The following NPAS2 variants were observed in gnomAD, a reference collection of about 807,000 sequenced individuals.
NPAS2 encodes the protein neuronal PAS domain-containing protein 2.
A neutral mutation model predicts 107.5 loss-of-function variants in NPAS2; 23 were observed. That is an observed-to-expected ratio of 0.21 (90% CI 0.15 to 0.30). The LOEUF (loss-of-function observed/expected upper bound fraction) is 0.30. NPAS2 is among the 10% of genes least tolerant of loss of function. NPAS2 has a pLI of 1.00. For missense variants in NPAS2, 756 were observed against 1,043.3 expected, an observed-to-expected ratio of 0.72 and a Z score of 3.79; for synonymous variants, 403 against 417.5, an observed-to-expected ratio of 0.97 and a Z score of 0.42.
chr2:100,907,205 A>G (rs1682211847), intron 2 of NPAS2, among the ~76,000 whole-genome samples: 2 of 152,214 alleles, frequency 1.3e-5, no homozygotes, highest in Admixed American at 6.5e-5. Context: ...ATACGCAGAA[A>G]TCAGCAAATA....
At chr2:100,881,018 G>A (rs571280189) in intron 1 of NPAS2, among the ~76,000 whole-genome samples, 5 of 152,226 alleles carry the variant, frequency 3.3e-5, no homozygotes, top group Admixed American at 6.5e-5. Context: ...TTCTCACCCC[G>A]AGGACACGTG....
chr2:100,993,409 C>T lies in NPAS2; in HGVS notation c.2174C>T (p.Ala725Val), dbSNP rs1204687554. Residue 725 changes from alanine (A) to valine (V), a missense_variant, in exon 20 of 21, where the codon GCC (alanine) becomes GTC (valine). Coordinates refer to ENST00000335681, the MANE Select transcript of NPAS2 (RefSeq NM_002518.4). ...GCACACCCCGCCAACAGCAGCAGCG[C>T]CCCGATGCCCGTCCTGCTGATGGGG... ...PDAHPANSSSAPMPVLLMGQA... is the reference protein window; with the variant it reads ...PDAHPANSSSVPMPVLLMGQA... 11 of 1,612,960 alleles carry T rather than the reference C, an allele frequency of 6.8e-6. No homozygotes were observed. The highest frequency in any genetic ancestry group is 8.5e-6 in the Non-Finnish European group (10 of 1,179,156).
rs973429074 is a variant in NPAS2, at chr2:100,974,841, C to T, written c.1179C>T (p.Asn393=). The T allele has an allele frequency of 2.8e-5, 45 of 1,614,096 alleles. No homozygotes were observed. The highest frequency in any genetic ancestry group is 1.6e-4 in the Middle Eastern group (1 of 6,062). Reference sequence around the variant, plus strand: ...GCCTGGAACCTCGGCAGCACTTTAACACACTCGACGTGGGTGCCTCGGGCC... The same window carrying T: ...GCCTGGAACCTCGGCAGCACTTTAATACACTCGACGTGGGTGCCTCGGGCC... ...GSSLEPRQHF[N]TLDVGASGLN... Residue 393 remains asparagine, a synonymous_variant, in exon 13 of 21, where the codon AAC becomes AAT. Coordinates refer to ENST00000335681, the MANE Select transcript of NPAS2 (RefSeq NM_002518.4).
chr2:100,905,575 A>T (rs1265656399), intron 2 of NPAS2, among the ~76,000 whole-genome samples: 4 of 152,106 alleles, frequency 2.6e-5, no homozygotes, highest in African/African-American at 9.7e-5. Context: ...ACTGCAGGTC[A>T]TTCGGGTGGA....
chr2:100,995,950 G>A lies in NPAS2; in HGVS notation c.*368G>A. ...ACCTGCGGCCCGCCCATCTGCGCTA[G>A]CTGGCCTTCACGCTCTTGATCGTCT... On this transcript the variant is annotated 3_prime_UTR_variant, in exon 21 of 21. Coordinates refer to ENST00000335681, the MANE Select transcript of NPAS2 (RefSeq NM_002518.4). 7.3e-7 allele frequency: 1 copy of A among 1,361,602 alleles called. No individual in the cohort carries two copies. Among genetic ancestry groups the A allele is most frequent in the Non-Finnish European group, 9.7e-7 (1 of 1,035,760 alleles). The allele number at this position is 1,361,602 out of a possible 1,614,324, so 84.3% of individuals were successfully genotyped here. A position where few individuals can be genotyped will look rare whatever the true frequency, so the allele number is the denominator to read the frequency against.
At chr2:100,838,358 A>G (rs1677192084) in intron 1 of NPAS2, among the ~76,000 whole-genome samples, 1 of 151,616 alleles carries the variant, frequency 6.6e-6, no homozygotes, top group African/African-American at 2.4e-5. Context: ...GCTCACTGAA[A>G]CCTCCACCTC....
intron 18 of NPAS2, 129 bp from the exon 19 acceptor site, chr2:100,990,651 T>G: frequency 9.7e-7 from 1 of 1,035,248 alleles, no homozygotes. Context: ...CCTCAGAGAA[T>G]GAAGCCAGGA....
At position 100,847,847 on chromosome 2, in the gene NPAS2, T is replaced by C. The variant is rs181107033; in HGVS notation, c.-23+27433T>C. Among the ~76,000 whole-genome samples, 17 of 152,294 alleles carry C rather than the reference T, an allele frequency of 1.1e-4. No homozygotes were observed. The East Asian group carries it at 3.1e-3, about 28-fold the overall frequency. On this transcript the variant is annotated intron_variant, in intron 1 of 20. Coordinates refer to ENST00000335681, the MANE Select transcript of NPAS2 (RefSeq NM_002518.4). ...AAGACCTTTAGGAAAAAGCCAAGAATAGTGTAGAAGGGCCTTCTTTTGGTA... is the reference window on the plus strand; with the variant it reads ...AAGACCTTTAGGAAAAAGCCAAGAACAGTGTAGAAGGGCCTTCTTTTGGTA...
At chr2:100,981,751 G>A (rs939556029) in intron 15 of NPAS2, among the ~76,000 whole-genome samples, 6 of 152,144 alleles carry the variant, frequency 3.9e-5, no homozygotes, top group Non-Finnish European at 8.8e-5. Flanking sequence ...AGAGAGCCAG[G>A]ATCAGATTTA....
chr2:100,961,139 C>T (rs1446083720), intron 7 of NPAS2, among the ~76,000 whole-genome samples: 1 of 152,140 alleles, frequency 6.6e-6, no homozygotes, highest in Non-Finnish European at 1.5e-5. Context: ...CTTTCTATTA[C>T]TTAAATTGAA....
intron 7 of NPAS2, among the ~76,000 whole-genome samples, chr2:100,955,854 C>T (rs1323290097): frequency 1.3e-5 from 2 of 152,072 alleles, no homozygotes; most frequent in Non-Finnish European, 2.9e-5. Flanking sequence ...ACTCCCCGCC[C>T]CATGCTCCTG....
chr2:100,949,231 G>A, intron 6 of NPAS2, 136 bp from the exon 7 acceptor site: 1 of 654,166 alleles, frequency 1.5e-6, no homozygotes, highest in Non-Finnish European at 2.7e-6. Flanking sequence ...AGGCCCAAAA[G>A]TCAGTCGTAG....
In NPAS2 at chr2:100,931,473, T is replaced by A. The variant is rs1683951500; in HGVS notation, c.182-1437T>A. ...GTGGAGGTTCACAGGGTGATGCGCA[T>A]AACTCAGCTCTTTTTTTTTTTTTTT... On this transcript the variant is annotated intron_variant, in intron 3 of 20. Coordinates refer to ENST00000335681, the MANE Select transcript of NPAS2 (RefSeq NM_002518.4). 2.7e-5 allele frequency among the ~76,000 whole-genome samples: 4 copies of A among 146,978 alleles called. No individual in the cohort carries two copies. The South Asian group carries it at 8.6e-4, about 32-fold the overall frequency.
chr2:100,841,251 A>G (rs1161517520), intron 1 of NPAS2, among the ~76,000 whole-genome samples: 1 of 152,178 alleles, frequency 6.6e-6, no homozygotes, highest in Non-Finnish European at 1.5e-5. Flanking sequence ...CCTGGCCAAC[A>G]TGGCAAAACT....
Position 100,820,977 on chromosome 2 carries a change from C to T in NPAS2, c.-23+563C>T. 1 of 1,239,278 alleles carries T rather than the reference C, an allele frequency of 8.1e-7. No homozygotes were observed. Among genetic ancestry groups the T allele is most frequent in the Non-Finnish European group, 1.1e-6 (1 of 942,932 alleles). 76.8% of individuals were successfully genotyped at this position (1,239,278 alleles called of 1,614,324 possible). A position where few individuals can be genotyped will look rare whatever the true frequency, so the allele number is the denominator to read the frequency against. ...GCGCAGACAGCGTGCAGCCTGGCTC[C>T]TCACGTCGCTGCCGCCCCCCCACCC... On this transcript the variant is annotated intron_variant, in intron 1 of 20. Coordinates refer to ENST00000335681, the MANE Select transcript of NPAS2 (RefSeq NM_002518.4). The surrounding 1 kb of genome is among the most constrained non-coding windows in gnomAD (Gnocchi z 5.6).
intron 13 of NPAS2, chr2:100,975,188 G>A (rs1284192786): frequency 3.5e-6 from 2 of 578,246 alleles, no homozygotes; most frequent in African/African-American, 1.9e-5. Context: ...CTGATCCCTT[G>A]ACTGCTTTTA....
chr2:100,962,285 T>C (rs2105139655), intron 7 of NPAS2, among the ~76,000 whole-genome samples: 1 of 152,268 alleles, frequency 6.6e-6, no homozygotes, highest in South Asian at 2.1e-4. Context: ...GACCACATTA[T>C]AGAATCTTTT....
At chr2:100,916,131 C>G (rs983913808) in intron 2 of NPAS2, among the ~76,000 whole-genome samples, 1 of 151,424 alleles carries the variant, frequency 6.6e-6, no homozygotes, top group African/African-American at 2.4e-5. Flanking sequence ...AAATGGAATA[C>G]TAAAAAATGT....
At chr2:100,961,092 TGA>T (rs1675889863) in intron 7 of NPAS2, among the ~76,000 whole-genome samples, 2 of 152,214 alleles carry the variant, frequency 1.3e-5, no homozygotes, top group Non-Finnish European at 2.9e-5. Flanking sequence ...TGGGTAATCC[TGA>T]GAGTCTCAGG....
Sources: gnomAD v4.1 joint callset for allele counts (sites outside exome capture counted in the v4.1 genomes callset) on GRCh38, gnomAD v4.1.1 for gene constraint, Gnocchi (gnomAD v3.1) non-coding constraint, MANE v1.5 for transcripts, NCBI Gene and HGNC (gene_info 2026-07-23, HGNC 2026-07-21) for gene names.